Variants in NKAIN4 observed in about 807,000 individuals in gnomAD.
The protein encoded by NKAIN4 is sodium/potassium transporting ATPase interacting 4, also known as sodium/potassium-transporting ATPase subunit beta-1-interacting protein 4.
Under a neutral mutation model 28.8 loss-of-function variants are expected in NKAIN4, and 28 were observed. The ratio of observed to expected loss-of-function variants is 0.97; its 90% confidence interval spans 0.72 to 1.33. The LOEUF (loss-of-function observed/expected upper bound fraction) is 1.33, where lower values mean the gene tolerates loss of function less well. NKAIN4 is among the 40% of genes most tolerant of loss of function. The probability of loss-of-function intolerance (pLI) is 0.00; values close to 1 mark genes in which losing one functional copy is unlikely to be tolerated. For missense variants in NKAIN4, 289 were observed against 277.2 expected, an observed-to-expected ratio of 1.04 and a Z score of -0.30; for synonymous variants, 122 against 115.6, an observed-to-expected ratio of 1.06 and a Z score of -0.36.
At chr20:63,253,450 C>T (rs6010884) in intron 1 of NKAIN4, 872,875 of 985,428 alleles carry the variant, frequency 0.89, 386,960 homozygotes, top group East Asian at 0.9. Context: ...CCGAGGGTTT[C>T]GCTGCTCAAA....
rs1383642996 is a variant in NKAIN4, at chr20:63,245,351, C to G, written c.472-1267G>C. On this transcript the variant is annotated intron_variant, in intron 4 of 6. Transcript: ENST00000370316. The surrounding 1 kb of genome is among the most constrained non-coding windows in gnomAD (Gnocchi z 4.7). The stretch of plus-strand genomic sequence containing the variant: ...GTCCCCCTCCTCACCCCAAAGGAGC[C>G]CAAGACGCCCCCATCCCGGAGCTGG... Among the ~76,000 whole-genome samples, 1 of 152,156 alleles carries G rather than the reference C, an allele frequency of 6.6e-6. No individual in the cohort carries two copies. The highest frequency in any genetic ancestry group is 1.9e-4 in the East Asian group (1 of 5,182).
At chr20:63,241,636 CAGAAAGG>C in intron 6 of NKAIN4, 130 bp from the exon 7 acceptor site, 1 of 808,584 alleles carries the variant, frequency 1.2e-6, no homozygotes, top group Non-Finnish European at 2.1e-6. Flanking sequence ...AGGCCTTTGG[CAGAAAGG>C]AGATGGGTGG....
At chr20:63,254,749 T>G, upstream of NKAIN4, 1 of 257,988 alleles carries the variant, frequency 3.9e-6, no homozygotes, top group Non-Finnish European at 7.3e-6. Context: ...AGGACAGACC[T>G]GCAGCTGAGG....
At chr20:63,249,896 ACCCACCTG>A in intron 2 of NKAIN4, 31 bp downstream of exon 2, 1 of 1,585,148 alleles carries the variant, frequency 6.3e-7, no homozygotes, top group Non-Finnish European at 8.6e-7. Flanking sequence ...GGTCACCTCA[ACCCACCTG>A]CCCATAAAGA....
Position 63,248,261 on chromosome 20 carries a change from G to A in NKAIN4, c.274-486C>T, listed in dbSNP as rs554637161. On this transcript the variant is annotated intron_variant, in intron 3 of 6. Coordinates refer to ENST00000370316, the MANE Select transcript of NKAIN4 (RefSeq NM_152864.4). ...CCAAAATCCATCCACCCTGGCTTTA[G>A]GACCACCCTCTGAGCTGTAAGCAAA... The A allele has an allele frequency of 1.3e-4, 22 of 165,762 alleles. No individual in the cohort carries two copies. The South Asian group carries it at 3.2e-3, about 24-fold the overall frequency. The allele number at this position is 165,762 out of a possible 1,614,324, so 10.3% of individuals were successfully genotyped here.
At chr20:63,254,334 C>T in intron 1 of NKAIN4, 63 bp downstream of exon 1, 1 of 1,325,704 alleles carries the variant, frequency 7.5e-7, no homozygotes, top group South Asian at 1.6e-5. Context: ...CTTCGGGACC[C>T]CACAGCCGCC....
In NKAIN4 at chr20:63,252,492, C is replaced by T. The variant is rs993993318; in HGVS notation, c.54+1905G>A. Among the ~76,000 whole-genome samples the T allele has an allele frequency of 6.6e-5, 10 of 152,260 alleles. No homozygotes were observed. The highest frequency in any genetic ancestry group is 2.1e-4 in the South Asian group (1 of 4,826). ...AAAAAAAGGGGCTATCCAACAACCCCGCCCTTCCTCCCGGGCCCCCTACCC... is the reference window on the plus strand; with the variant it reads ...AAAAAAAGGGGCTATCCAACAACCCTGCCCTTCCTCCCGGGCCCCCTACCC... On this transcript the variant is annotated intron_variant, in intron 1 of 6. Transcript: ENST00000370316. This position sits in a 1 kb window ranked among gnomAD's most constrained non-coding sequence, Gnocchi z 4.6.
At chr20:63,242,852 G>A (rs930801651) in intron 5 of NKAIN4, among the ~76,000 whole-genome samples, 42 of 142,250 alleles carry the variant, frequency 3.0e-4, no homozygotes, top group Non-Finnish European at 4.7e-4. Context: ...GTGGGGGTGG[G>A]ACAGCCCGGA....
rs147854111 is a variant in NKAIN4, at chr20:63,244,862, G to A, written c.472-778C>T. Among the ~76,000 whole-genome samples the A allele has an allele frequency of 5.3e-5, 8 of 152,346 alleles. No individual in the cohort carries two copies. In the East Asian group the frequency reaches 1.5e-3, roughly 29 times the overall value. ...CAGGCCACAGACACCGAGGGAGGCG[G>A]CAGTGGGTCTGTGACTGGAGGGACC... is the stretch of plus-strand genomic sequence containing the variant. On this transcript the variant is annotated intron_variant, in intron 4 of 6. Transcript: ENST00000370316.
chr20:63,252,244 C>T lies in NKAIN4; in HGVS notation c.54+2153G>A, dbSNP rs571316727. On this transcript the variant is annotated intron_variant, in intron 1 of 6. Coordinates refer to ENST00000370316, the MANE Select transcript of NKAIN4 (RefSeq NM_152864.4). This position sits in a 1 kb window ranked among gnomAD's most constrained non-coding sequence, Gnocchi z 4.6. Reference sequence around the variant, plus strand: ...CTCATGCCACCATGGAAGCAGGTGACCCTGGTGGCCCTGCCAGGACCCAGC... The same window carrying T: ...CTCATGCCACCATGGAAGCAGGTGATCCTGGTGGCCCTGCCAGGACCCAGC... Among the ~76,000 whole-genome samples, 2 of 152,210 alleles carry T rather than the reference C, an allele frequency of 1.3e-5. No individual in the cohort carries two copies. The highest frequency in any genetic ancestry group is 4.1e-4 in the South Asian group (2 of 4,826).
At chr20:63,244,114 T>C (rs752894141) in intron 4 of NKAIN4, 30 bp from the exon 5 acceptor site, 4 of 1,598,368 alleles carry the variant, frequency 2.5e-6, no homozygotes, top group South Asian at 1.1e-5. Flanking sequence ...GGGGCGTGAG[T>C]GCGGCCAGGC....
Position 63,248,812 on chromosome 20 carries a change from C to A in NKAIN4, c.273+3G>T. 1 of 1,607,502 alleles carries A rather than the reference C, an allele frequency of 6.2e-7. No individual in the cohort carries two copies. On this transcript the variant is annotated splice_donor_region_variant and intron_variant, in intron 3 of 6. Transcript: ENST00000370316. Reference sequence around the variant, plus strand: ...CTCGCGCTGCCTCCCAGTCTGCACTCACCTTTAAGAGGCCACCGACTTCCA... The same window carrying A: ...CTCGCGCTGCCTCCCAGTCTGCACTAACCTTTAAGAGGCCACCGACTTCCA...
intron 4 of NKAIN4, chr20:63,246,681 G>T: frequency 1.0e-6 from 1 of 984,400 alleles, no homozygotes; most frequent in South Asian, 4.7e-5. Context: ...AGGGAGCCTC[G>T]AGATCGGTCA....
At chr20:63,246,514 G>A (rs1011738231) in intron 4 of NKAIN4, 8 of 985,290 alleles carry the variant, frequency 8.1e-6, no homozygotes, top group Admixed American at 1.2e-4. Flanking sequence ...GGGAGCTCAC[G>A]AGGCCACCCG....
Position 63,245,002 on chromosome 20 carries a change from G to A in NKAIN4, c.472-918C>T, listed in dbSNP as rs1034310039. On this transcript the variant is annotated intron_variant, in intron 4 of 6. Transcript: ENST00000370316. This position sits in a 1 kb window ranked among gnomAD's most constrained non-coding sequence, Gnocchi z 4.7. ...CTTGGTTTCTTCCTCCATAGACTTG[G>A]CCCAACAGCCCCCCGTGAAGGCCAC... is the stretch of plus-strand genomic sequence containing the variant. Among the ~76,000 whole-genome samples the A allele has an allele frequency of 1.3e-5, 2 of 152,182 alleles. No homozygotes were observed. The highest frequency in any genetic ancestry group is 2.9e-5 in the Non-Finnish European group (2 of 68,042).
intron 2 of NKAIN4, chr20:63,249,297 G>A (rs1252008637): frequency 2.8e-5 from 6 of 218,138 alleles, no homozygotes; most frequent in Non-Finnish European, 5.6e-5. Flanking sequence ...AGAGCTGCCA[G>A]CTGCTTTTGT....
At chr20:63,248,786 C>A in intron 3 of NKAIN4, 29 bp downstream of exon 3, 1 of 1,507,646 alleles carries the variant, frequency 6.6e-7, no homozygotes, top group Non-Finnish European at 9.2e-7. Flanking sequence ...CAGGGAAGGA[C>A]CTCGCGCTGC....
intron 1 of NKAIN4, chr20:63,254,036 C>CG: frequency 8.0e-6 from 2 of 249,748 alleles, no homozygotes; most frequent in South Asian, 4.1e-5. Flanking sequence ...GGCGCGCACC[C>CG]GGGGGCGCAC....
chr20:63,252,751 C>T lies in NKAIN4; in HGVS notation c.54+1646G>A, dbSNP rs1176331587. The stretch of plus-strand genomic sequence containing the variant: ...GCCCTCAAGCCAGGATGACTCTTTC[C>T]CTCTTGGCTGCAACCAAATTTCCAA... On this transcript the variant is annotated intron_variant, in intron 1 of 6. Coordinates refer to ENST00000370316, the MANE Select transcript of NKAIN4 (RefSeq NM_152864.4). This position sits in a 1 kb window ranked among gnomAD's most constrained non-coding sequence, Gnocchi z 4.6. Among the ~76,000 whole-genome samples the T allele has an allele frequency of 6.6e-6, 1 of 152,184 alleles. No homozygotes were observed.
Sources: gnomAD v4.1 joint callset for allele counts (sites outside exome capture counted in the v4.1 genomes callset) on GRCh38, gnomAD v4.1.1 for gene constraint, Gnocchi (gnomAD v3.1) non-coding constraint, MANE v1.5 for transcripts, NCBI Gene and HGNC (gene_info 2026-07-23, HGNC 2026-07-21) for gene names.